Variants in LRP1B observed in about 807,000 individuals in gnomAD.
LRP1B encodes the protein low-density lipoprotein receptor-related protein 1B.
A neutral mutation model predicts 556.6 loss-of-function variants in LRP1B; 217 were observed. That is an observed-to-expected ratio of 0.39 (90% CI 0.35 to 0.44). LRP1B has a LOEUF of 0.44. Ranked by LOEUF, LRP1B falls within the 20% of genes least tolerant of loss-of-function variation. LRP1B has a pLI of 1.00. For missense variants in LRP1B, 5,053 were observed against 5,620.8 expected, an observed-to-expected ratio of 0.90 and a Z score of 3.23; for synonymous variants, 2,047 against 1,865.8, an observed-to-expected ratio of 1.10 and a Z score of -2.50.
chr2:140,770,515 C>A (rs77532482), intron 34 of LRP1B, among the ~76,000 whole-genome samples: 4,521 of 151,948 alleles, frequency 0.03, 211 homozygotes, highest in African/African-American at 0.1. Context: ...CTAATATAGT[C>A]TAAAGTAAAC....
chr2:141,891,628 T>G (rs1558943720), intron 1 of LRP1B, among the ~76,000 whole-genome samples: 1 of 152,150 alleles, frequency 6.6e-6, no homozygotes, highest in African/African-American at 2.4e-5. Context: ...TTTCTTAATG[T>G]TAGAATGTTG....
At chr2:141,298,599 C>A (rs1448711351) in intron 3 of LRP1B, among the ~76,000 whole-genome samples, 2 of 152,088 alleles carry the variant, frequency 1.3e-5, no homozygotes, top group East Asian at 3.9e-4. Flanking sequence ...TGGAGCCCTC[C>A]CAGACATTCC....
intron 3 of LRP1B, among the ~76,000 whole-genome samples, chr2:141,281,544 T>A (rs1685509932): frequency 6.6e-6 from 1 of 152,084 alleles, no homozygotes; most frequent in South Asian, 2.1e-4. Flanking sequence ...AAGATGTTAA[T>A]ATTTTTACTT....
intron 10 of LRP1B, among the ~76,000 whole-genome samples, chr2:141,051,429 T>C (rs1231895201): frequency 6.6e-6 from 1 of 152,020 alleles, no homozygotes; most frequent in Non-Finnish European, 1.5e-5. Flanking sequence ...ATATACGCCG[T>C]GGAATACTAT....
chr2:140,434,830 G>A (rs1296158372), intron 66 of LRP1B, among the ~76,000 whole-genome samples: 1 of 152,080 alleles, frequency 6.6e-6, no homozygotes, highest in Non-Finnish European at 1.5e-5. Flanking sequence ...AGTGTTAATG[G>A]CTGAAAACAG....
intron 41 of LRP1B, among the ~76,000 whole-genome samples, chr2:140,605,548 CTTTAT>C (rs1466225357): frequency 8.3e-5 from 8 of 96,086 alleles, no homozygotes; most frequent in East Asian, 3.4e-4. Flanking sequence ...CTTTCCTTTT[CTTTAT>C]TTTATCTTTT....
intron 11 of LRP1B, among the ~76,000 whole-genome samples, chr2:141,047,893 G>C (rs968957193): frequency 6.6e-6 from 1 of 152,002 alleles, no homozygotes; most frequent in South Asian, 2.1e-4. Flanking sequence ...ATCTCCTGCC[G>C]AAGGAGTTAT....
At chr2:141,239,730 G>A (rs1683791760) in intron 5 of LRP1B, among the ~76,000 whole-genome samples, 1 of 151,906 alleles carries the variant, frequency 6.6e-6, no homozygotes, top group South Asian at 2.1e-4. Flanking sequence ...TCTTTTAATT[G>A]CTTCTATTTT....
intron 2 of LRP1B, among the ~76,000 whole-genome samples, chr2:141,690,017 A>G (rs1479667237): frequency 6.6e-6 from 1 of 151,792 alleles, no homozygotes; most frequent in Non-Finnish European, 1.5e-5. Context: ...CAAGTCTTTC[A>G]CAAGGTAAAC....
intron 1 of LRP1B, among the ~76,000 whole-genome samples, chr2:141,819,335 C>T (rs967383655): frequency 3.9e-5 from 6 of 152,026 alleles, no homozygotes; most frequent in East Asian, 3.9e-4. Flanking sequence ...CTCAAAACAC[C>T]GAAAAGCTTC....
chr2:141,608,710 A>G (rs558385275), intron 2 of LRP1B, among the ~76,000 whole-genome samples: 1 of 152,348 alleles, frequency 6.6e-6, no homozygotes, highest in African/African-American at 2.4e-5. Context: ...TATTACTGAT[A>G]TAAAGGATAT....
At chr2:141,999,014 G>T (rs922738987) in intron 1 of LRP1B, among the ~76,000 whole-genome samples, 7 of 152,140 alleles carry the variant, frequency 4.6e-5, no homozygotes, top group Non-Finnish European at 7.4e-5. Flanking sequence ...AGCTTTGTCG[G>T]CCATTTCAAA....
intron 7 of LRP1B, among the ~76,000 whole-genome samples, chr2:141,125,437 G>A (rs573474424): frequency 1.3e-5 from 2 of 152,300 alleles, no homozygotes; most frequent in East Asian, 3.9e-4. Flanking sequence ...GAGACAGAAA[G>A]AATGCAGAGA....
chr2:141,902,074 T>C (rs1222936447), intron 1 of LRP1B, among the ~76,000 whole-genome samples: 1 of 141,964 alleles, frequency 7.0e-6, no homozygotes, highest in Non-Finnish European at 1.6e-5. Context: ...CAAAAAATTA[T>C]AGTTAAAATT....
chr2:141,714,443 T>C (rs1692491532), intron 2 of LRP1B, among the ~76,000 whole-genome samples: 1 of 139,198 alleles, frequency 7.2e-6, no homozygotes, highest in East Asian at 2.2e-4. Flanking sequence ...CTTGTCTCTG[T>C]AGGCTCTTTT....
At chr2:140,241,732 A>C (rs1354500219) in intron 87 of LRP1B, among the ~76,000 whole-genome samples, 1 of 150,858 alleles carries the variant, frequency 6.6e-6, no homozygotes, top group Admixed American at 6.6e-5. Flanking sequence ...TTTATAAAAT[A>C]GTTTTTATTG....
intron 78 of LRP1B, among the ~76,000 whole-genome samples, chr2:140,335,244 GA>G (rs1681021151): frequency 6.6e-6 from 1 of 151,516 alleles, no homozygotes; most frequent in Non-Finnish European, 1.5e-5. Flanking sequence ...TTACCATAGA[GA>G]AAAATGTTAG....
intron 3 of LRP1B, among the ~76,000 whole-genome samples, chr2:141,275,102 G>A (rs2090806): frequency 0.056 from 8,536 of 152,230 alleles, 333 homozygotes; most frequent in East Asian, 0.15. Context: ...GCTGGTAAAA[G>A]GAAATCCTGA....
At chr2:141,532,862 G>A (rs930069990) in intron 2 of LRP1B, among the ~76,000 whole-genome samples, 2 of 151,814 alleles carry the variant, frequency 1.3e-5, no homozygotes, top group East Asian at 1.9e-4. Flanking sequence ...GGTGCATGCC[G>A]GTAATCCCAG....
Sources: allele counts gnomAD v4.1 joint callset (sites outside exome capture counted in the v4.1 genomes callset), GRCh38; gene constraint gnomAD v4.1.1; transcripts MANE v1.5; gene names NCBI Gene and HGNC (gene_info 2026-07-23, HGNC 2026-07-21).